The following ROBO2 variants were observed in gnomAD, a reference collection of about 807,000 sequenced individuals.
ROBO2 encodes the protein roundabout homolog 2.
A neutral mutation model predicts 160.8 loss-of-function variants in ROBO2; 53 were observed. That is an observed-to-expected ratio of 0.33 (90% confidence interval 0.26 to 0.41). The LOEUF (loss-of-function observed/expected upper bound fraction) is 0.41, where lower values mean the gene tolerates loss of function less well. Ranked by LOEUF, ROBO2 falls within the 10% of genes least tolerant of loss-of-function variation. The pLI is 1.00. For synonymous variants in ROBO2, 664 were observed against 611.7 expected (o/e 1.09, Z -1.26); for missense variants, 1,577 against 1,722.4 (o/e 0.92, Z 1.49).
At chr3:77,246,095 T>C (rs2089687878) in intron 2 of ROBO2, among the ~76,000 whole-genome samples, 1 of 152,202 alleles carries the variant, frequency 6.6e-6, no homozygotes, top group South Asian at 2.1e-4. Flanking sequence ...TAAAAATATA[T>C]AGTGTAGACA....
In ROBO2 at chr3:77,473,440, C is replaced by CTTTTTTTT. The variant is rs71104688; in HGVS notation, c.389-3944_389-3937dup. Among the ~76,000 whole-genome samples, 54 of 77,932 alleles carry CTTTTTTTT rather than the reference C, an allele frequency of 6.9e-4. 11 individuals are homozygous for CTTTTTTTT. The highest frequency in any genetic ancestry group is 1.3e-3 in the African/African-American group (27 of 21,502). The allele number at this position is 77,932 out of a possible 152,430, so 51.1% of individuals were successfully genotyped here. On this transcript the variant is annotated intron_variant, in intron 2 of 25. Transcript: ENST00000461745. The stretch of plus-strand genomic sequence containing the variant: ...CTGCAGTTCGATTTTACAAACTGCT[C>CTTTTTTTT]TTTTTTTTTTTTTTTTTTTTTTTTT...
intron 21 of ROBO2, among the ~76,000 whole-genome samples, chr3:77,612,108 A>G (rs2094655232): frequency 6.6e-6 from 1 of 152,224 alleles, no homozygotes; most frequent in Admixed American, 6.5e-5. Flanking sequence ...AGATAATATG[A>G]TGCCTCATAG....
intron 2 of ROBO2, among the ~76,000 whole-genome samples, chr3:76,202,488 C>A (rs1702583294): frequency 2.0e-5 from 3 of 152,108 alleles, no homozygotes; most frequent in South Asian, 4.1e-4. Flanking sequence ...TATCCCACCA[C>A]AAAGGATGTT....
rs541705748 is a variant in ROBO2 at position 76,220,355 on chromosome 3, A to T, written c.109+282753A>T. The stretch of plus-strand genomic sequence containing the variant: ...TAATAATAAAAGAGAAAACAAAAAA[A>T]AAACTCGATCCCCAGTATGACAGTA... On this transcript the variant is annotated intron_variant, in intron 2 of 26. Transcript: ENST00000487694. 8.0e-4 allele frequency among the ~76,000 whole-genome samples: 121 copies of T among 152,178 alleles called. 1 individual carries two copies. The South Asian group carries it at 0.015, about 18-fold the overall frequency.
chr3:77,028,854 C>G (rs546877652), intron 2 of ROBO2, among the ~76,000 whole-genome samples: 2 of 152,164 alleles, frequency 1.3e-5, no homozygotes, highest in Non-Finnish European at 2.9e-5. Context: ...TTCTCTGTAC[C>G]TTTTATTGTG....
intron 2 of ROBO2, among the ~76,000 whole-genome samples, chr3:76,770,697 T>G (rs1576524055): frequency 6.9e-6 from 1 of 145,670 alleles, no homozygotes. Flanking sequence ...TAAAAACATA[T>G]GCATATTTAA....
intron 2 of ROBO2, among the ~76,000 whole-genome samples, chr3:76,082,488 A>T (rs572580923): frequency 6.6e-6 from 1 of 152,220 alleles, no homozygotes; most frequent in East Asian, 1.9e-4. Flanking sequence ...AGAGCTACAT[A>T]ATTGACTCTT....
intron 2 of ROBO2, among the ~76,000 whole-genome samples, chr3:76,622,235 G>GAAGGAAGGAAGA: frequency 2.2e-5 from 1 of 44,796 alleles, no homozygotes; most frequent in South Asian, 1.3e-3. Context: ...AGGAAGGAAG[G>GAAGGAAGGAAGA]AAGAAAGAAA....
chr3:76,433,978 G>T, intron 2 of ROBO2: 2 of 798,608 alleles, frequency 2.5e-6, no homozygotes, highest in South Asian at 1.4e-5. Context: ...GAAAATTAAG[G>T]GCAGTCCAGA....
At chr3:76,195,617 T>C (rs967521524) in intron 2 of ROBO2, among the ~76,000 whole-genome samples, 1 of 152,154 alleles carries the variant, frequency 6.6e-6, no homozygotes, top group African/African-American at 2.4e-5. Context: ...GAGAGTTTAA[T>C]AGGCACATAA....
intron 2 of ROBO2, among the ~76,000 whole-genome samples, chr3:76,329,231 T>A (rs755210356): frequency 6.6e-6 from 1 of 152,048 alleles, no homozygotes. Flanking sequence ...TGTTGTTTTG[T>A]TTTTTGAGAT....
At position 77,295,309 on chromosome 3, in the gene ROBO2, C is replaced by T. The variant is rs532555813; in HGVS notation, c.389-182105C>T. Among the ~76,000 whole-genome samples, 72 of 144,458 alleles carry T rather than the reference C, an allele frequency of 5.0e-4. 6 individuals carry two copies. Among genetic ancestry groups the T allele is most frequent in the African/African-American group, 1.6e-3 (60 of 37,784 alleles). The allele number at this position is 144,458 out of a possible 152,430, so 94.8% of individuals were successfully genotyped here. A position where few individuals can be genotyped will look rare whatever the true frequency, so the allele number is the denominator to read the frequency against. On this transcript the variant is annotated intron_variant, in intron 2 of 25. Coordinates refer to ENST00000461745, the Ensembl canonical transcript of ROBO2. The stretch of plus-strand genomic sequence containing the variant: ...CACCAAAGACATTAAGTAAAATTGA[C>T]GGCTAAACGGGTAAGCTGAGGCTAG...
intron 2 of ROBO2, among the ~76,000 whole-genome samples, chr3:76,505,518 T>C (rs1266168592): frequency 5.9e-5 from 9 of 152,188 alleles, no homozygotes; most frequent in Non-Finnish European, 1.2e-4. Flanking sequence ...GATGAGGTCA[T>C]ACTGCGGTAG....
At chr3:76,273,120 AATATATATAT>A (rs749043409) in intron 2 of ROBO2, among the ~76,000 whole-genome samples, 8 of 32,356 alleles carry the variant, frequency 2.5e-4, no homozygotes, top group Admixed American at 5.6e-4. Context: ...CACACATATA[AATATATATAT>A]ATATATATAT....
intron 2 of ROBO2, among the ~76,000 whole-genome samples, chr3:76,038,764 C>CTGCG: frequency 9.3e-6 from 1 of 107,726 alleles, no homozygotes; most frequent in East Asian, 2.1e-4. Flanking sequence ...ACATGGAAAA[C>CTGCG]TGCGTGTGTG....
chr3:77,202,681 C>T (rs1579935784), intron 2 of ROBO2, among the ~76,000 whole-genome samples: 1 of 152,132 alleles, frequency 6.6e-6, no homozygotes, highest in African/African-American at 2.4e-5. Context: ...TTCCTCTATT[C>T]TCTCTTTCCC....
intron 2 of ROBO2, among the ~76,000 whole-genome samples, chr3:76,798,259 G>A (rs200173345): frequency 9.5e-4 from 90 of 94,278 alleles, no homozygotes; most frequent in Middle Eastern, 0.011. Context: ...AAAGAAAGAA[G>A]GAAAGAAAGA....
At chr3:75,937,711 C>T (rs910982831) in intron 2 of ROBO2, 104 of 629,088 alleles carry the variant, frequency 1.7e-4, no homozygotes, top group Non-Finnish European at 2.4e-4. Context: ...TGTAATTTTC[C>T]CCCAGGTTTT....
chr3:76,624,359 C>T (rs1578644992), intron 2 of ROBO2, among the ~76,000 whole-genome samples: 1 of 152,166 alleles, frequency 6.6e-6, no homozygotes, highest in East Asian at 1.9e-4. Flanking sequence ...TGATTGGTAG[C>T]CTCAAGTCAC....
Sources: allele counts gnomAD v4.1 joint callset (sites outside exome capture counted in the v4.1 genomes callset), GRCh38; gene constraint gnomAD v4.1.1; transcripts MANE v1.5; gene names NCBI Gene and HGNC (gene_info 2026-07-23, HGNC 2026-07-21).